The following STXBP5L variants were observed in gnomAD, a reference collection of about 807,000 sequenced individuals.
STXBP5L encodes the protein syntaxin-binding protein 5-like.
Under a neutral mutation model 144.5 loss-of-function variants are expected in STXBP5L, and 65 were observed. That is an observed-to-expected ratio of 0.45 (90% CI 0.37 to 0.55). The LOEUF (loss-of-function observed/expected upper bound fraction) is 0.55. STXBP5L is among the 20% of genes least tolerant of loss of function. STXBP5L has a pLI of 0.00. For missense variants in STXBP5L, 1,298 were observed against 1,405.5 expected, an observed-to-expected ratio of 0.92 and a Z score of 1.22; for synonymous variants, 505 against 469.6, an observed-to-expected ratio of 1.08 and a Z score of -0.97.
At chr3:121,137,865 G>A (rs531627199) in intron 7 of STXBP5L, among the ~76,000 whole-genome samples, 11 of 152,116 alleles carry the variant, frequency 7.2e-5, no homozygotes, top group South Asian at 6.2e-4. Context: ...TCTGACATCC[G>A]GAACAAGGTA....
At chr3:120,993,796 C>G (rs1003400813) in intron 3 of STXBP5L, among the ~76,000 whole-genome samples, 4 of 151,740 alleles carry the variant, frequency 2.6e-5, no homozygotes, top group African/African-American at 9.7e-5. Context: ...CTTTTTGGTT[C>G]CATATAAATT....
intron 3 of STXBP5L, among the ~76,000 whole-genome samples, chr3:121,005,086 C>A (rs1944163263): frequency 6.6e-6 from 1 of 152,146 alleles, no homozygotes; most frequent in South Asian, 2.1e-4. Context: ...AGGGAGGATT[C>A]CCTCTATTTC....
chr3:121,132,841 G>GA lies in STXBP5L; in HGVS notation c.669+11146dup, dbSNP rs200372650. ...AGCTGAAGAACACAATAATAGAACTGAAAAAAAAATCACTAGAGGGGTCAA... is the reference window on the plus strand; with the variant it reads ...AGCTGAAGAACACAATAATAGAACTGAAAAAAAAAATCACTAGAGGGGTCAA... On this transcript the variant is annotated intron_variant, in intron 7 of 26. Transcript: ENST00000471454. 3.3e-3 allele frequency among the ~76,000 whole-genome samples: 487 copies of GA among 149,770 alleles called. 5 individuals carry two copies. The highest frequency in any genetic ancestry group is 8.3e-3 in the African/African-American group (340 of 40,930).
At chr3:121,137,303 C>A (rs2045305983) in intron 7 of STXBP5L, among the ~76,000 whole-genome samples, 1 of 151,756 alleles carries the variant, frequency 6.6e-6, no homozygotes, top group Non-Finnish European at 1.5e-5. Context: ...TTTAGCTACA[C>A]TAAGAAAAAA....
chr3:121,129,874 C>T (rs964869587), intron 7 of STXBP5L, among the ~76,000 whole-genome samples: 5 of 151,978 alleles, frequency 3.3e-5, no homozygotes, highest in African/African-American at 1.2e-4. Flanking sequence ...ATCCAGGGGC[C>T]TGTACCAGAT....
At chr3:121,346,151 G>A (rs980047465) in intron 20 of STXBP5L, among the ~76,000 whole-genome samples, 1 of 137,456 alleles carries the variant, frequency 7.3e-6, no homozygotes, top group East Asian at 2.1e-4. Flanking sequence ...TTCCCTTCCT[G>A]TGTCCATGTG....
intron 9 of STXBP5L, among the ~76,000 whole-genome samples, chr3:121,186,812 A>C (rs2047401664): frequency 6.6e-6 from 1 of 152,178 alleles, no homozygotes; most frequent in Admixed American, 6.5e-5. Flanking sequence ...CACATGAAAA[A>C]ATGCTCATCA....
chr3:121,050,483 T>A (rs1366585565), intron 5 of STXBP5L, among the ~76,000 whole-genome samples: 3 of 152,204 alleles, frequency 2.0e-5, no homozygotes, highest in East Asian at 3.9e-4. Flanking sequence ...CCAGCCAAAC[T>A]AAGCTTCATA....
Position 121,259,118 on chromosome 3 carries a change from T to C in STXBP5L, c.1908T>C (p.Gly636=). ...ELVIQLVWVD[G]EPPQQITSLA... ...TTATTCAATTGGTGTGGGTAGATGG[T>C]GAACCTCCACAACAGATTACTAGTC... Residue 636 remains glycine (G), a synonymous_variant, in exon 18 of 27, where the codon GGT becomes GGC. Transcript: ENST00000471454. The C allele has an allele frequency of 6.2e-7, 1 of 1,604,746 alleles. No homozygotes were observed. The highest frequency in any genetic ancestry group is 8.5e-7 in the Non-Finnish European group (1 of 1,174,600).
At chr3:121,310,435 C>T (rs188638006) in intron 19 of STXBP5L, among the ~76,000 whole-genome samples, 94 of 152,064 alleles carry the variant, frequency 6.2e-4, no homozygotes, top group Non-Finnish European at 1.2e-3. Flanking sequence ...ACGGTGAAAC[C>T]CCGTCTCTAC....
At chr3:120,988,856 ACTCT>A (rs1942556267) in intron 3 of STXBP5L, among the ~76,000 whole-genome samples, 1 of 151,314 alleles carries the variant, frequency 6.6e-6, no homozygotes, top group Admixed American at 6.6e-5. Context: ...GAATTATTTC[ACTCT>A]CTATGTTTAT....
At chr3:121,006,042 G>A (rs575428814) in intron 3 of STXBP5L, among the ~76,000 whole-genome samples, 1 of 152,298 alleles carries the variant, frequency 6.6e-6, no homozygotes, top group Admixed American at 6.5e-5. Context: ...ATTTGGGGTG[G>A]AGAGTTCTGT....
intron 5 of STXBP5L, among the ~76,000 whole-genome samples, chr3:121,064,328 T>G (rs566271165): frequency 1.3e-5 from 2 of 152,376 alleles, no homozygotes; most frequent in African/African-American, 2.4e-5. Context: ...CCCAGTGAGA[T>G]GAGCTGAGTA....
At chr3:120,991,438 C>A (rs1942859030) in intron 3 of STXBP5L, among the ~76,000 whole-genome samples, 1 of 151,920 alleles carries the variant, frequency 6.6e-6, no homozygotes, top group Non-Finnish European at 1.5e-5. Flanking sequence ...CCTCAGGGAT[C>A]TAGAACTAGA....
In STXBP5L at chr3:121,250,560, C is replaced by T. The variant is rs560605242; in HGVS notation, c.1401-163C>T. On this transcript the variant is annotated intron_variant, in intron 14 of 26. Transcript: ENST00000471454. ...TTAGTATATTGTTTAAGAAATGAGC[C>T]ATTGTTTTAAGCTTAGAAATGGTTT... Among the ~76,000 whole-genome samples, 4 of 151,994 alleles carry T rather than the reference C, an allele frequency of 2.6e-5. 1 individual carries two copies. In the South Asian group the frequency reaches 8.3e-4, roughly 32 times the overall value.
At chr3:121,134,976 G>A (rs998319663) in intron 7 of STXBP5L, among the ~76,000 whole-genome samples, 11 of 151,078 alleles carry the variant, frequency 7.3e-5, no homozygotes, top group South Asian at 4.2e-4. Context: ...TTGAGGAATC[G>A]CCACACTGTC....
At chr3:121,218,162 ATATAC>A (rs1352687379) in intron 10 of STXBP5L, among the ~76,000 whole-genome samples, 2 of 139,576 alleles carry the variant, frequency 1.4e-5, no homozygotes, top group African/African-American at 5.3e-5. Flanking sequence ...TATAGTAATA[ATATAC>A]TATACTATAT....
intron 5 of STXBP5L, among the ~76,000 whole-genome samples, chr3:121,064,373 G>A (rs553926082): frequency 4.6e-5 from 7 of 152,348 alleles, no homozygotes; most frequent in African/African-American, 1.7e-4. Context: ...CTCACCTTCT[G>A]TGTTGATCTT....
intron 15 of STXBP5L, among the ~76,000 whole-genome samples, chr3:121,252,011 T>C (rs1288601490): frequency 2.6e-5 from 4 of 152,190 alleles, no homozygotes; most frequent in South Asian, 2.1e-4. Flanking sequence ...CAAAATTCAT[T>C]GCATAGTGAT....
Sources: gnomAD v4.1 joint callset for allele counts (sites outside exome capture counted in the v4.1 genomes callset) on GRCh38, gnomAD v4.1.1 for gene constraint, MANE v1.5 for transcripts, NCBI Gene and HGNC (gene_info 2026-07-23, HGNC 2026-07-21) for gene names.